Variants in MREG observed in about 807,000 individuals in gnomAD.
The protein encoded by MREG is dilute suppressor protein homolog.
In MREG, 31 loss-of-function variants were observed where a neutral mutation model predicts 28.5. That is an observed-to-expected ratio of 1.09 (90% CI 0.82 to 1.47). The LOEUF is 1.47. Among genes scored for constraint, MREG ranks in the 40% most tolerant of loss-of-function variants. The pLI, the probability that MREG is intolerant of heterozygous loss-of-function variation, is 0.00. For synonymous variants in MREG, 106 were observed against 95.2 expected (o/e 1.11, Z -0.66); for missense variants, 256 against 257.4 (o/e 0.99, Z 0.04).
At chr2:215,988,413 C>G (rs147567929) in intron 2 of MREG, among the ~76,000 whole-genome samples, 98 of 152,332 alleles carry the variant, frequency 6.4e-4, no homozygotes, top group African/African-American at 2.2e-3. Context: ...CCAGGAGATT[C>G]TCTTGGGTGC....
At chr2:215,996,988 T>C (rs1367931099) in intron 1 of MREG, among the ~76,000 whole-genome samples, 4 of 151,920 alleles carry the variant, frequency 2.6e-5, no homozygotes, top group African/African-American at 4.8e-5. Flanking sequence ...GCCATGTTGG[T>C]CAGGCTGGTC....
intron 1 of MREG, among the ~76,000 whole-genome samples, chr2:216,031,223 A>G (rs1694684067): frequency 6.6e-6 from 1 of 151,970 alleles, no homozygotes; most frequent in Admixed American, 6.6e-5. Context: ...CCTGGCCAAC[A>G]CGGTGAAACC....
intron 2 of MREG, among the ~76,000 whole-genome samples, chr2:215,979,647 C>T (rs1337094109): frequency 1.3e-5 from 2 of 151,922 alleles, no homozygotes; most frequent in Non-Finnish European, 2.9e-5. Flanking sequence ...TGAGAAAAGT[C>T]ACTTAACCTC....
intron 1 of MREG, among the ~76,000 whole-genome samples, chr2:216,000,951 T>C (rs902770307): frequency 5.9e-5 from 9 of 152,160 alleles, no homozygotes; most frequent in African/African-American, 2.2e-4. Flanking sequence ...CTCAGCTGCC[T>C]CCCTGGCCAA....
chr2:215,966,972 T>C (rs1332299997), intron 2 of MREG, among the ~76,000 whole-genome samples: 1 of 152,210 alleles, frequency 6.6e-6, no homozygotes, highest in African/African-American at 2.4e-5. Context: ...TAACTGAGCC[T>C]ACAGATTCTG....
At chr2:215,953,908 A>T (rs1692548999) in intron 2 of MREG, among the ~76,000 whole-genome samples, 1 of 152,202 alleles carries the variant, frequency 6.6e-6, no homozygotes, top group Non-Finnish European at 1.5e-5. Flanking sequence ...CTCCAGGAAA[A>T]ATTTTCAGTG....
rs189281530 is a variant in MREG, at chr2:215,952,343, G to A, written c.256-5230C>T. On this transcript the variant is annotated intron_variant, in intron 2 of 4. Coordinates refer to ENST00000263268, the MANE Select transcript of MREG (RefSeq NM_018000.3). ...AAGTGTCGTTACTGCACACGTGAACGCGCACACACACACACAGACGGTAAT... is the reference window on the plus strand; with the variant it reads ...AAGTGTCGTTACTGCACACGTGAACACGCACACACACACACAGACGGTAAT... 6.6e-3 allele frequency among the ~76,000 whole-genome samples: 1,003 copies of A among 152,158 alleles called. 7 individuals are homozygous for A. The highest frequency in any genetic ancestry group is 0.023 in the African/African-American group (934 of 41,490).
At chr2:215,948,921 G>A (rs1395248183) in intron 2 of MREG, among the ~76,000 whole-genome samples, 3 of 151,958 alleles carry the variant, frequency 2.0e-5, no homozygotes, top group Admixed American at 2.0e-4. Flanking sequence ...AACAATCCTA[G>A]GTCAAGGACG....
At chr2:215,988,450 A>G (rs1693636334) in intron 2 of MREG, among the ~76,000 whole-genome samples, 1 of 152,172 alleles carries the variant, frequency 6.6e-6, no homozygotes, top group Non-Finnish European at 1.5e-5. Flanking sequence ...CTGGGTTTCA[A>G]GCATAAAACG....
chr2:215,995,511 C>CTCCG (rs1553553520), intron 2 of MREG, among the ~76,000 whole-genome samples: 2 of 136,124 alleles, frequency 1.5e-5, no homozygotes, highest in Admixed American at 7.2e-5. Context: ...CCCACCCCAC[C>CTCCG]CCCCGCCACC....
At chr2:216,028,893 C>A (rs548267634) in intron 1 of MREG, among the ~76,000 whole-genome samples, 3 of 151,690 alleles carry the variant, frequency 2.0e-5, no homozygotes, top group South Asian at 4.2e-4. Flanking sequence ...ATTAGTTACA[C>A]CACAATAAAG....
intron 1 of MREG, among the ~76,000 whole-genome samples, chr2:216,024,057 T>C (rs1194749116): frequency 1.3e-5 from 2 of 152,150 alleles, no homozygotes; most frequent in Non-Finnish European, 2.9e-5. Context: ...AGTACCCCTT[T>C]GAATCACTTT....
intron 2 of MREG, among the ~76,000 whole-genome samples, chr2:215,972,936 T>A (rs1446799769): frequency 6.6e-6 from 1 of 152,148 alleles, no homozygotes; most frequent in Non-Finnish European, 1.5e-5. Context: ...TACCTGCTTT[T>A]TAACAATTCC....
At chr2:215,996,644 A>C (rs1693882597) in intron 1 of MREG, among the ~76,000 whole-genome samples, 179 bp from the exon 2 acceptor site, 1 of 152,248 alleles carries the variant, frequency 6.6e-6, no homozygotes, top group Admixed American at 6.5e-5. Flanking sequence ...AGTAAAAACA[A>C]ACCAAAAATA....
chr2:215,972,716 CTAATTGTACATTTTAAATA>C (rs752024774), intron 2 of MREG, among the ~76,000 whole-genome samples: 16 of 151,200 alleles, frequency 1.1e-4, no homozygotes, highest in South Asian at 1.0e-3. Context: ...CAAAAATTAT[CTAATTGTACATTTTAAATA>C]TATGCAGTTT....
intron 2 of MREG, among the ~76,000 whole-genome samples, chr2:215,960,097 A>C (rs1692739578): frequency 6.6e-6 from 1 of 152,116 alleles, no homozygotes; most frequent in South Asian, 2.1e-4. Context: ...TTGGGACTAC[A>C]GGTGCATGCC....
rs201080423 is a variant in MREG, at chr2:215,979,467, AAATAATAATAATAATAATAATAAT to A, written c.255+16815_255+16838del. Reference sequence around the variant, plus strand: ...AACAAGAGTGAAACTCCATCTCAAAAAATAATAATAATAATAATAATAATAATAATAATAATAATAATAATAAAA... The same window carrying A: ...AACAAGAGTGAAACTCCATCTCAAAAAATAATAATAATAATAATAATAAAA... On this transcript the variant is annotated intron_variant, in intron 2 of 4. Transcript: ENST00000263268. 8.1e-4 allele frequency among the ~76,000 whole-genome samples: 107 copies of A among 132,474 alleles called. 2 individuals are homozygous for A. The highest frequency in any genetic ancestry group is 3.0e-3 in the African/African-American group (99 of 32,496). 86.9% of individuals were successfully genotyped at this position (132,474 alleles called of 152,430 possible). A position where few individuals can be genotyped will look rare whatever the true frequency, so the allele number is the denominator to read the frequency against.
At chr2:216,025,533 T>C (rs1473817242) in intron 1 of MREG, among the ~76,000 whole-genome samples, 2 of 152,228 alleles carry the variant, frequency 1.3e-5, no homozygotes, top group Non-Finnish European at 2.9e-5. Context: ...GTCAACCCTA[T>C]GGGGAGTTCT....
downstream of MREG, among the ~76,000 whole-genome samples, chr2:215,940,036 T>C (rs1365358301): frequency 6.6e-6 from 1 of 152,214 alleles, no homozygotes; most frequent in East Asian, 1.9e-4. Context: ...AGAACATAGG[T>C]GAGAAACAAT....
Sources: allele counts gnomAD v4.1 joint callset (sites outside exome capture counted in the v4.1 genomes callset), GRCh38; gene constraint gnomAD v4.1.1; transcripts MANE v1.5; gene names NCBI Gene and HGNC (gene_info 2026-07-23, HGNC 2026-07-21).